Variants in MAST4 observed in about 807,000 individuals in gnomAD.
The protein encoded by MAST4 is microtubule associated serine/threonine kinase family member 4.
Under a neutral mutation model 162.7 loss-of-function variants are expected in MAST4, and 89 were observed. The observed-to-expected ratio is 0.55, with a 90% confidence interval of 0.46 to 0.65. The LOEUF is 0.65. MAST4 is among the 30% of genes least tolerant of loss of function. MAST4 has a pLI of 0.00. For missense variants in MAST4, 3,153 were observed against 3,374.0 expected (o/e 0.93, Z 1.62); for synonymous variants, 1,479 against 1,361.1 (o/e 1.09, Z -1.91).
chr5:66,940,885 C>T (rs1743290636), intron 4 of MAST4, among the ~76,000 whole-genome samples: 1 of 152,150 alleles, frequency 6.6e-6, no homozygotes, highest in South Asian at 2.1e-4. Context: ...AGAATTACTC[C>T]TTAATCCATG....
intron 4 of MAST4, among the ~76,000 whole-genome samples, chr5:67,021,751 T>C (rs1205726744): frequency 6.6e-6 from 1 of 152,114 alleles, no homozygotes; most frequent in Non-Finnish European, 1.5e-5. Context: ...ACACTCTAAC[T>C]CCCACACACA....
Position 66,928,226 on chromosome 5 carries a change from G to T in MAST4, c.674+28244G>T, listed in dbSNP as rs968337258. On this transcript the variant is annotated intron_variant, in intron 4 of 28. Coordinates refer to ENST00000403625, the MANE Select transcript of MAST4 (RefSeq NM_001164664.2). Reference sequence around the variant, plus strand: ...CCCTACTGCTCAAGTCTAGAAGGCAGATTCTATCTGCCAGTAGACATGGCC... The same window carrying T: ...CCCTACTGCTCAAGTCTAGAAGGCATATTCTATCTGCCAGTAGACATGGCC... Among the ~76,000 whole-genome samples, 3 of 152,306 alleles carry T rather than the reference G, an allele frequency of 2.0e-5. No homozygotes were observed. In the South Asian group the frequency reaches 6.2e-4, roughly 32 times the overall value.
At chr5:67,057,609 G>GAAAA (rs1174666263) in intron 5 of MAST4, among the ~76,000 whole-genome samples, 1 of 142,486 alleles carries the variant, frequency 7.0e-6, no homozygotes, top group Non-Finnish European at 1.5e-5. Flanking sequence ...AAAAAAAGAA[G>GAAAA]GAAAGAAAAG....
At chr5:66,761,227 G>A (rs551779954) in intron 2 of MAST4, among the ~76,000 whole-genome samples, 1 of 152,224 alleles carries the variant, frequency 6.6e-6, no homozygotes, top group East Asian at 1.9e-4. Flanking sequence ...TGAAGTATTG[G>A]TTCAATTCTT....
At chr5:66,865,832 T>C (rs1760473842) in intron 3 of MAST4, among the ~76,000 whole-genome samples, 1 of 152,130 alleles carries the variant, frequency 6.6e-6, no homozygotes, top group Non-Finnish European at 1.5e-5. Context: ...CCCAGCACTT[T>C]GGGAGGCTGA....
At chr5:67,068,082 T>A (rs1308820460) in intron 5 of MAST4, among the ~76,000 whole-genome samples, 1 of 152,174 alleles carries the variant, frequency 6.6e-6, no homozygotes, top group African/African-American at 2.4e-5. Flanking sequence ...AGTGAGGCCC[T>A]GGAATCTATC....
intron 3 of MAST4, among the ~76,000 whole-genome samples, chr5:66,815,191 A>T (rs920166064): frequency 6.6e-6 from 1 of 152,214 alleles, no homozygotes. Flanking sequence ...TATGATTTTT[A>T]TACCAAAATG....
At position 66,740,529 on chromosome 5, in the gene MAST4, C is replaced by T. The variant is rs111828216; in HGVS notation, c.364-19180C>T. ...CATCTGTGCTTGGCTCACAGAAGGC[C>T]TGCAAATGTTTGTTCCGTTTCTCCT... On this transcript the variant is annotated intron_variant, in intron 1 of 28. Transcript: ENST00000403625. Among the ~76,000 whole-genome samples the T allele has an allele frequency of 3.8e-3, 577 of 152,322 alleles. 6 individuals are homozygous for T. Among genetic ancestry groups the T allele is most frequent in the Non-Finnish European group, 2.3e-3 (159 of 68,030 alleles).
intron 4 of MAST4, among the ~76,000 whole-genome samples, chr5:67,043,110 A>G (rs1756968210): frequency 1.3e-5 from 2 of 152,212 alleles, no homozygotes. Flanking sequence ...GTGGGTCAAA[A>G]AGAAGTGGTC....
At chr5:66,787,215 A>C (rs1218251343) in intron 2 of MAST4, among the ~76,000 whole-genome samples, 1 of 152,186 alleles carries the variant, frequency 6.6e-6, no homozygotes, top group Non-Finnish European at 1.5e-5. Flanking sequence ...TTACATAGTC[A>C]AGTCTATCAC....
At chr5:66,626,885 G>C (rs1053094023) in intron 1 of MAST4, among the ~76,000 whole-genome samples, 1 of 152,118 alleles carries the variant, frequency 6.6e-6, no homozygotes, top group Non-Finnish European at 1.5e-5. Flanking sequence ...CTGCTGGTAG[G>C]GAAAGCTGTG....
rs568018095 is a variant in MAST4, at chr5:67,098,943, T to C, written c.913-1492T>C. ...CATACTAAGTAGATTAAATAAATATTTTAAACAGCTTCCCATCAGTTCAGT... is the reference window on the plus strand; with the variant it reads ...CATACTAAGTAGATTAAATAAATATCTTAAACAGCTTCCCATCAGTTCAGT... On this transcript the variant is annotated intron_variant, in intron 7 of 28. Transcript: ENST00000403625. Among the ~76,000 whole-genome samples, 4 of 152,264 alleles carry C rather than the reference T, an allele frequency of 2.6e-5. No homozygotes were observed. The South Asian group carries it at 8.3e-4, about 32-fold the overall frequency.
chr5:66,905,261 C>T (rs963542681), intron 4 of MAST4, among the ~76,000 whole-genome samples: 2 of 144,334 alleles, frequency 1.4e-5, no homozygotes, highest in East Asian at 2.1e-4. Flanking sequence ...GAGCCGAGAT[C>T]GCGCCCACGC....
At chr5:67,136,868 GTTTGTC>G (rs780090786) in intron 19 of MAST4, among the ~76,000 whole-genome samples, 12 of 152,174 alleles carry the variant, frequency 7.9e-5, no homozygotes, top group Non-Finnish European at 1.3e-4. Context: ...AGGGTTGGTT[GTTTGTC>G]TTTGTTTTTT....
intron 4 of MAST4, among the ~76,000 whole-genome samples, chr5:67,018,318 C>T (rs949007972): frequency 6.6e-6 from 1 of 152,044 alleles, no homozygotes; most frequent in Non-Finnish European, 1.5e-5. Context: ...TCATTTGAGC[C>T]CTGGAGTTCA....
chr5:66,660,689 G>A (rs1279768047), intron 1 of MAST4, among the ~76,000 whole-genome samples: 1 of 152,200 alleles, frequency 6.6e-6, no homozygotes, highest in African/African-American at 2.4e-5. Context: ...AGTAGTTTTT[G>A]TAAGCCTTGG....
intron 1 of MAST4, among the ~76,000 whole-genome samples, chr5:66,697,619 T>C (rs1749489361): frequency 6.6e-6 from 1 of 152,210 alleles, no homozygotes; most frequent in African/African-American, 2.4e-5. Flanking sequence ...GAAGCAGATA[T>C]GAGAATGCAG....
At chr5:66,616,575 C>T (rs1743701706) in intron 1 of MAST4, among the ~76,000 whole-genome samples, 1 of 152,032 alleles carries the variant, frequency 6.6e-6, no homozygotes, top group African/African-American at 2.4e-5. Flanking sequence ...GAGCGGGGCT[C>T]TTCTGGACTG....
At chr5:66,673,523 G>GTTTTTTTTTTTTTTTTTTT (rs1208217801) in intron 1 of MAST4, among the ~76,000 whole-genome samples, 39 of 131,286 alleles carry the variant, frequency 3.0e-4, no homozygotes, top group East Asian at 1.1e-3. Context: ...TTTGTTTTTT[G>GTTTTTTTTTTTTTTTTTTT]TTTTTTGTTT....
Sources: gnomAD v4.1 joint callset for allele counts (sites outside exome capture counted in the v4.1 genomes callset) on GRCh38, gnomAD v4.1.1 for gene constraint, MANE v1.5 for transcripts, NCBI Gene and HGNC (gene_info 2026-07-23, HGNC 2026-07-21) for gene names.